Variants in CD1B observed in about 807,000 individuals in gnomAD.
CD1B encodes the protein CD1b molecule, also known as T-cell surface glycoprotein CD1b.
A neutral mutation model predicts 39.8 loss-of-function variants in CD1B; 43 were observed. That is an observed-to-expected ratio of 1.08 (90% CI 0.85 to 1.39). The LOEUF is 1.39. CD1B is among the 40% of genes most tolerant of loss of function. CD1B has a pLI of 0.00. For synonymous variants in CD1B, 192 were observed against 152.5 expected (o/e 1.26, Z -1.91); for missense variants, 495 against 403.8 (o/e 1.23, Z -1.94).
At chr1:158,308,079 GA>G in the CD1B span, among the ~76,000 whole-genome samples, 1 of 152,170 alleles carries the variant, frequency 6.6e-6, no homozygotes, top group African/African-American at 2.4e-5. Flanking sequence ...TGTATATCTA[GA>G]AAACCCCATC....
At chr1:158,309,914 T>C in the CD1B span, among the ~76,000 whole-genome samples, 1 of 151,714 alleles carries the variant, frequency 6.6e-6, no homozygotes, top group Non-Finnish European at 1.5e-5. Flanking sequence ...CACAACAACA[T>C]GGCACATGTA....
Position 158,328,705 on chromosome 1 carries a change from G to GT in CD1B, c.980+215dup, listed in dbSNP as rs1051257154. ...TGAACACACTTAACACCACTGAACT[G>GT]TACACTTAAAAATGGTAAAGATGGT... On this transcript the variant is annotated intron_variant, in intron 5 of 5. Coordinates refer to ENST00000368168, the MANE Select transcript of CD1B (RefSeq NM_001764.3). Among the ~76,000 whole-genome samples the GT allele has an allele frequency of 9.3e-4, 142 of 152,192 alleles. 1 individual carries two copies. Among genetic ancestry groups the GT allele is most frequent in the African/African-American group, 3.3e-3 (137 of 41,528 alleles).
At chr1:158,301,131 T>C in the CD1B span, among the ~76,000 whole-genome samples, 1 of 152,056 alleles carries the variant, frequency 6.6e-6, no homozygotes, top group Admixed American at 6.6e-5. Flanking sequence ...TTTTTTGCTT[T>C]CCATTTGCTT....
At chr1:158,309,555 A>G in the CD1B span, among the ~76,000 whole-genome samples, 1 of 152,182 alleles carries the variant, frequency 6.6e-6, no homozygotes, top group Non-Finnish European at 1.5e-5. Context: ...GGCACTATTC[A>G]CAATAGCAAA....
the CD1B span, chr1:158,292,051 T>C: frequency 1.3e-6 from 2 of 1,578,754 alleles, no homozygotes; most frequent in Admixed American, 3.8e-5. Flanking sequence ...CTTTTTTGTT[T>C]GAACTCTTTT....
chr1:158,290,961 C>T, the CD1B span, among the ~76,000 whole-genome samples: 1 of 152,084 alleles, frequency 6.6e-6, no homozygotes, highest in Non-Finnish European at 1.5e-5. Context: ...GTCCAGTTTA[C>T]TCTTTTAGAG....
In CD1B at chr1:158,329,031, G is replaced by T. The variant is rs1571186843; in HGVS notation, c.887-17C>A. ...TGGGGTTTCCTGGCAATTGAGAGAG[G>T]ACAAAAGGATGTCACTTCAGATACT... On this transcript the variant is annotated splice_polypyrimidine_tract_variant and intron_variant, in intron 4 of 5. Transcript: ENST00000368168. 1 of 1,589,708 alleles carries T rather than the reference G, an allele frequency of 6.3e-7. No homozygotes were observed. Among genetic ancestry groups the T allele is most frequent in the South Asian group, 1.1e-5 (1 of 89,412 alleles).
downstream of CD1B, among the ~76,000 whole-genome samples, chr1:158,323,997 T>C (rs371331320): frequency 7.9e-5 from 12 of 152,350 alleles, no homozygotes; most frequent in East Asian, 2.3e-3. Context: ...AGTCTTTCTC[T>C]AGGTATCCTT....
chr1:158,293,745 A>G, the CD1B span: 4 of 673,326 alleles, frequency 5.9e-6, no homozygotes, highest in Non-Finnish European at 1.0e-5. Context: ...GAGCCCCTCA[A>G]CTGTTATGTG....
At position 158,331,023 on chromosome 1, in the gene CD1B, G is replaced by A. The variant is rs201728287; in HGVS notation, c.101C>T (p.Ser34Leu). The change falls in exon 2 of 6, where the codon TCG (serine) becomes TTG (leucine). Residue 34 changes from serine (S) to leucine (L), a missense_variant. Transcript: ENST00000368168. Reference sequence around the variant, plus strand: ...TGCCCAGGTACTATTGGTAAAGGACGAGGTCTGGATAACATGAAAGGAGGT... The same window carrying A: ...TGCCCAGGTACTATTGGTAAAGGACAAGGTCTGGATAACATGAAAGGAGGT... ...GPTSFHVIQT[S>L]SFTNSTWAQT... 2.2e-5 allele frequency: 35 copies of A among 1,613,962 alleles called. No individual in the cohort carries two copies. The highest frequency in any genetic ancestry group is 5.0e-5 in the Admixed American group (3 of 60,000).
chr1:158,330,624 A>C (rs1479640419), intron 2 of CD1B, 172 bp downstream of exon 2: 2 of 760,148 alleles, frequency 2.6e-6, no homozygotes, highest in African/African-American at 3.4e-5. Flanking sequence ...AGAATCTGAA[A>C]TATGAGGTGT....
the CD1B span, among the ~76,000 whole-genome samples, chr1:158,316,384 G>A: frequency 6.6e-6 from 1 of 151,750 alleles, no homozygotes; most frequent in Non-Finnish European, 1.5e-5. Context: ...TCCCTTGTAA[G>A]TTGGATTCCT....
At chr1:158,320,177 G>T in the CD1B span, among the ~76,000 whole-genome samples, 2 of 152,220 alleles carry the variant, frequency 1.3e-5, no homozygotes, top group African/African-American at 4.8e-5. Context: ...GAGCTGTGGT[G>T]GGCTCCACCC....
At chr1:158,292,642 C>T in the CD1B span, 5 of 1,613,278 alleles carry the variant, frequency 3.1e-6, no homozygotes, top group East Asian at 8.9e-5. Context: ...TTGGGTCTGG[C>T]CAGCTGTTGC....
At chr1:158,310,940 C>G in the CD1B span, among the ~76,000 whole-genome samples, 1 of 152,114 alleles carries the variant, frequency 6.6e-6, no homozygotes, top group Non-Finnish European at 1.5e-5. Context: ...AACTTAAAAA[C>G]TACCTATGGG....
Position 158,330,109 on chromosome 1 carries a change from A to C in CD1B, c.350T>G (p.Ile117Arg), listed in dbSNP as rs747688005. The change falls in exon 3 of 6, where the codon ATA (isoleucine) becomes AGA (arginine). Residue 117 changes from isoleucine (I) to arginine (R), a missense_variant. By Grantham distance (97) the Ile-to-Arg change is moderately conservative. Coordinates refer to ENST00000368168, the MANE Select transcript of CD1B (RefSeq NM_001764.3). ...QMKYPFEIQG[I>R]AGCELHSGGA... The stretch of plus-strand genomic sequence containing the variant: ...TCCAGAATGTAGCTCACAGCCTGCT[A>C]TGCCCTGGATCTCAAAGGGGTCTAT... 4.3e-5 allele frequency: 70 copies of C among 1,613,466 alleles called. 1 individual carries two copies. Among genetic ancestry groups the C allele is most frequent in the Non-Finnish European group, 5.8e-5 (68 of 1,179,722 alleles).
At chr1:158,328,872 G>A (rs554271771) in intron 5 of CD1B, 49 bp downstream of exon 5, 105 of 1,279,902 alleles carry the variant, frequency 8.2e-5, no homozygotes, top group Non-Finnish European at 1.1e-4. Flanking sequence ...GTGGAAGGGT[G>A]AACAGAAAAG....
chr1:158,304,196 G>T, the CD1B span, among the ~76,000 whole-genome samples: 1 of 152,134 alleles, frequency 6.6e-6, no homozygotes, highest in East Asian at 1.9e-4. Flanking sequence ...CCTAATCAAA[G>T]AAAGGGGTGA....
chr1:158,298,420 C>T, the CD1B span, among the ~76,000 whole-genome samples: 2 of 152,194 alleles, frequency 1.3e-5, no homozygotes, highest in Admixed American at 1.3e-4. Context: ...CAGAACGCTC[C>T]ACCCAAAACC....
Sources: allele counts gnomAD v4.1 joint callset (sites outside exome capture counted in the v4.1 genomes callset), GRCh38; gene constraint gnomAD v4.1.1; transcripts MANE v1.5; gene names NCBI Gene and HGNC (gene_info 2026-07-23, HGNC 2026-07-21).